The following DHX58 variants were observed in gnomAD, a reference collection of about 807,000 sequenced individuals.
The protein encoded by DHX58 is DExH-box helicase 58.
Under a neutral mutation model 65.0 loss-of-function variants are expected in DHX58, and 51 were observed. That is an observed-to-expected ratio of 0.78 (90% CI 0.63 to 0.99). The LOEUF (loss-of-function observed/expected upper bound fraction) is 0.99. Among genes scored for constraint, DHX58 ranks in the 50% least tolerant of loss-of-function variants. The pLI is 0.00. For missense variants in DHX58, 773 were observed against 891.8 expected (o/e 0.87, Z 1.70); for synonymous variants, 350 against 365.0 (o/e 0.96, Z 0.47).
At chr17:42,104,252 C>T (rs868934184) in intron 11 of DHX58, among the ~76,000 whole-genome samples, 6 of 151,326 alleles carry the variant, frequency 4.0e-5, no homozygotes, top group African/African-American at 4.9e-5. Context: ...TATGAGTAGT[C>T]GGGGGCAACA....
chr17:42,104,719 T>G, intron 11 of DHX58, 47 bp downstream of exon 11: 3 of 1,598,728 alleles, frequency 1.9e-6, no homozygotes, highest in East Asian at 2.2e-5. Context: ...AGGGAGGGGC[T>G]CCCTCCTCCC....
At position 42,103,802 on chromosome 17, in the gene DHX58, G is replaced by A; in HGVS notation, c.1564-4C>T. On this transcript the variant is annotated splice_region_variant and splice_polypyrimidine_tract_variant and intron_variant, in intron 11 of 13. Coordinates refer to ENST00000251642, the MANE Select transcript of DHX58 (RefSeq NM_024119.3). ...CTGCCTGCTGCAGATCCCGGATCTG[G>A]GGTGGGAGGAGACACCAGGCATGGC... The A allele has an allele frequency of 6.2e-7, 1 of 1,601,746 alleles. No individual in the cohort carries two copies. Among genetic ancestry groups the A allele is most frequent in the Non-Finnish European group, 8.5e-7 (1 of 1,177,590 alleles).
rs1276885517 is a variant in DHX58, at chr17:42,111,186, C to A, written c.370+110G>T. ...TGCAGGGGTTTTGTGAACAGGCAAC[C>A]CCTCACTCCCACTAAAACTCCCAAC... is the stretch of plus-strand genomic sequence containing the variant. On this transcript the variant is annotated intron_variant, in intron 4 of 13. Transcript: ENST00000251642. 15 of 1,383,712 alleles carry A rather than the reference C, an allele frequency of 1.1e-5. No individual in the cohort carries two copies. In the African/African-American group the frequency reaches 1.9e-4, roughly 17 times the overall value. The allele number at this position is 1,383,712 out of a possible 1,614,324, so 85.7% of individuals were successfully genotyped here. A position where few individuals can be genotyped will look rare whatever the true frequency, so the allele number is the denominator to read the frequency against.
Position 42,107,585 on chromosome 17 carries a change from G to GCCCCCC in DHX58, c.997+18_997+19insGGGGGG. Reference sequence around the variant, plus strand: ...AGGTCCCATCATCCCCGGCCCCGAAGCCCCCTCCCGCCCCTCACCATCGAA... The same window carrying GCCCCCC: ...AGGTCCCATCATCCCCGGCCCCGAAGCCCCCCCCCCCTCCCGCCCCTCACCATCGAA... On this transcript the variant is annotated intron_variant, in intron 8 of 13. Transcript: ENST00000251642. The GCCCCCC allele has an allele frequency of 9.2e-6, 11 of 1,193,318 alleles. No individual in the cohort carries two copies. The highest frequency in any genetic ancestry group is 1.2e-5 in the Non-Finnish European group (10 of 854,212). The allele number at this position is 1,193,318 out of a possible 1,614,324, so 73.9% of individuals were successfully genotyped here.
At position 42,104,799 on chromosome 17, in the gene DHX58, C is replaced by T; in HGVS notation, c.1530G>A (p.Val510=). The T allele has an allele frequency of 1.2e-6, 2 of 1,614,066 alleles. No individual in the cohort carries two copies. The highest frequency in any genetic ancestry group is 1.7e-6 in the Non-Finnish European group (2 of 1,180,010). Residue 510 remains valine (V), a synonymous_variant, in exon 11 of 14, where the codon GTG becomes GTA. Coordinates refer to ENST00000251642, the MANE Select transcript of DHX58 (RefSeq NM_024119.3). ...ETLMEQAVAA[V]QKMDQAEYQA... ...GGTACTCGGCCTGGTCCATTTTCTG[C>T]ACAGCAGCCACTGCCTGCTCCATCA...
Position 42,105,809 on chromosome 17 carries a change from A to C in DHX58, c.1178T>G (p.Leu393Arg), listed in dbSNP as rs1555662518. 1 of 1,613,654 alleles carries C rather than the reference A, an allele frequency of 6.2e-7. No individual in the cohort carries two copies. Among genetic ancestry groups the C allele is most frequent in the Admixed American group, 1.7e-5 (1 of 59,988 alleles). Reference protein sequence around the residue: ...LLLWLQQQQGLQTVDIRAQLL... With the variant: ...LLLWLQQQQGRQTVDIRAQLL... ...CTGGGCCCGGATGTCCACAGTCTGC[A>C]GGCCCTGCTGCTGCTGGAGCCAGAG... The change falls in exon 9 of 14, where the codon CTG becomes CGG. Residue 393 changes from leucine (L) to arginine (R), a missense_variant. Coordinates refer to ENST00000251642, the MANE Select transcript of DHX58 (RefSeq NM_024119.3).
At chr17:42,107,143 C>A (rs1039935973) in intron 8 of DHX58, among the ~76,000 whole-genome samples, 4 of 152,200 alleles carry the variant, frequency 2.6e-5, no homozygotes, top group Non-Finnish European at 5.9e-5. Flanking sequence ...AGGAGGATCA[C>A]TTGAGCCCAG....
At chr17:42,110,576 G>A (rs932139845) in intron 5 of DHX58, 147 bp downstream of exon 5, 1 of 802,728 alleles carries the variant, frequency 1.2e-6, no homozygotes, top group Non-Finnish European at 1.9e-6. Flanking sequence ...AACCATTGGA[G>A]GCTGGGTCTT....
chr17:42,103,606 A>T lies in DHX58; in HGVS notation c.1754+2T>A, dbSNP rs1486033992. On this transcript the variant is annotated splice_donor_variant, in intron 12 of 13. Coordinates refer to ENST00000251642, the MANE Select transcript of DHX58 (RefSeq NM_024119.3). LOFTEE classifies it high-confidence loss of function. ...CCCAGTAGCCCCTTCCACAGGTCTC[A>T]CGAGAAGTTGGGGTTCACATTGACA... 13 of 1,613,722 alleles carry T rather than the reference A, an allele frequency of 8.1e-6. No individual in the cohort carries two copies. Among genetic ancestry groups the T allele is most frequent in the Non-Finnish European group, 1.1e-5 (13 of 1,179,864 alleles).
At chr17:42,109,204 G>T in intron 6 of DHX58, 66 bp downstream of exon 6, 1 of 1,398,974 alleles carries the variant, frequency 7.1e-7, no homozygotes, top group Non-Finnish European at 9.8e-7. Flanking sequence ...CAGAGTCAGG[G>T]CCCAAGCCTA....
Position 42,101,836 on chromosome 17 carries a change from G to C in DHX58, c.1962C>G (p.Arg654=). Residue 654 remains arginine (R), a synonymous_variant, in exon 14 of 14, where the codon CGC becomes CGG. Coordinates refer to ENST00000251642, the MANE Select transcript of DHX58 (RefSeq NM_024119.3). ...CAAAGTCAGGCACGGAGAAGGGCAC[G>C]CGGGACCACTTTTTGGCCTGGATCC... is the stretch of plus-strand genomic sequence containing the variant. ...QGRIQAKKWS[R]VPFSVPDFDF... is the part of the protein sequence containing the mutation. 1 of 1,614,250 alleles carries C rather than the reference G, an allele frequency of 6.2e-7. No individual in the cohort carries two copies. The highest frequency in any genetic ancestry group is 8.5e-7 in the Non-Finnish European group (1 of 1,180,050).
chr17:42,111,920 A>G, intron 2 of DHX58, 27 bp from the exon 3 acceptor site: 1 of 1,586,392 alleles, frequency 6.3e-7, no homozygotes, highest in Non-Finnish European at 8.6e-7. Context: ...ACTCAGACCC[A>G]CCGACTCCTC....
At chr17:42,112,027 G>A (rs782010846) in intron 2 of DHX58, 86 bp downstream of exon 2, 102 of 1,133,660 alleles carry the variant, frequency 9.0e-5, no homozygotes, top group Non-Finnish European at 1.2e-4. Context: ...GACTCCCTCA[G>A]AACCCATCAG....
intron 6 of DHX58, 107 bp downstream of exon 6, chr17:42,109,163 A>G (rs1173399246): frequency 1.2e-6 from 1 of 865,924 alleles, no homozygotes; most frequent in East Asian, 2.7e-5. Context: ...GATACATAGC[A>G]AGTGACCTGA....
Position 42,105,881 on chromosome 17 carries a change from C to A in DHX58, c.1106G>T (p.Arg369Leu). 6.2e-7 allele frequency: 1 copy of A among 1,613,914 alleles called. No homozygotes were observed. The highest frequency in any genetic ancestry group is 8.5e-7 in the Non-Finnish European group (1 of 1,180,002). Reference sequence around the variant, plus strand: ...GCGGGTGCGGGTGAAGATGATACCCCGAGGGCTGTTAGAGCTACTGAACTG... The same window carrying A: ...GCGGGTGCGGGTGAAGATGATACCCAGAGGGCTGTTAGAGCTACTGAACTG... ...QRQFSSSNSPRGIIFTRTRQS... is the reference protein window; with the variant it reads ...QRQFSSSNSPLGIIFTRTRQS... Residue 369 changes from arginine (R) to leucine (L), a missense_variant, in exon 9 of 14, where the codon CGG becomes CTG. Physicochemically the swap from Arg to Leu is moderately radical, Grantham distance 102 (BLOSUM62 -2). Coordinates refer to ENST00000251642, the MANE Select transcript of DHX58 (RefSeq NM_024119.3).
Position 42,110,786 on chromosome 17 carries a change from G to A in DHX58, c.498C>T (p.Leu166=). The change falls in exon 5 of 14, where the codon CTC becomes CTT. Residue 166 remains leucine (L), a synonymous_variant. Transcript: ENST00000251642. ...CCCCGCCAGTGCCTGGGGAGGCTGT[G>A]AGACCCAGCACCTGGGGTAGCGGCT... ...RAQPLPQVLG[L]TASPGTGGAS... is the part of the protein sequence containing the mutation. The A allele has an allele frequency of 6.2e-7, 1 of 1,613,826 alleles. No homozygotes were observed. The highest frequency in any genetic ancestry group is 8.5e-7 in the Non-Finnish European group (1 of 1,179,868).
chr17:42,103,863 G>A, intron 11 of DHX58, 65 bp from the exon 12 acceptor site: 6 of 1,518,558 alleles, frequency 4.0e-6, no homozygotes, highest in Non-Finnish European at 5.3e-6. Context: ...GGGACAAAAG[G>A]TTCCCAAAGA....
chr17:42,111,550 A>AG (rs1477066466), intron 3 of DHX58, 53 bp from the exon 4 acceptor site: 1 of 1,605,810 alleles, frequency 6.2e-7, no homozygotes, highest in East Asian at 2.2e-5. Context: ...GGCCAGGGGT[A>AG]GGGAGGCGGT....
chr17:42,111,913 C>G lies in DHX58; in HGVS notation c.-1-20G>C, dbSNP rs782701067. On this transcript the variant is annotated intron_variant, in intron 2 of 13. Coordinates refer to ENST00000251642, the MANE Select transcript of DHX58 (RefSeq NM_024119.3). ...TCCATTCTGGGAATGGCAGGGGACTCAGACCCACCGACTCCTCCACCCCTC... is the reference window on the plus strand; with the variant it reads ...TCCATTCTGGGAATGGCAGGGGACTGAGACCCACCGACTCCTCCACCCCTC... The G allele has an allele frequency of 1.8e-5, 28 of 1,592,046 alleles. No individual in the cohort carries two copies. The South Asian group carries it at 3.1e-4, about 17-fold the overall frequency.
Sources: gnomAD v4.1 joint callset for allele counts (sites outside exome capture counted in the v4.1 genomes callset) on GRCh38, gnomAD v4.1.1 for gene constraint, MANE v1.5 for transcripts, NCBI Gene and HGNC (gene_info 2026-07-23, HGNC 2026-07-21) for gene names.